The following SAMD12 variants were observed in gnomAD, a reference collection of about 807,000 sequenced individuals.
SAMD12 encodes sterile alpha motif domain containing 12.
In SAMD12, 9 loss-of-function variants were observed where a neutral mutation model predicts 15.0. The observed-to-expected ratio is 0.60, with a 90% CI of 0.36 to 1.05. The LOEUF is 1.05. SAMD12 is among the 50% of genes least tolerant of loss of function. The pLI is 0.01. For synonymous variants in SAMD12, 86 were observed against 90.1 expected, an observed-to-expected ratio of 0.96 and a Z score of 0.25; for missense variants, 230 against 234.2, an observed-to-expected ratio of 0.98 and a Z score of 0.12.
At chr8:118,549,030 G>C (rs1340812752) in intron 2 of SAMD12, among the ~76,000 whole-genome samples, 1 of 152,266 alleles carries the variant, frequency 6.6e-6, no homozygotes, top group Non-Finnish European at 1.5e-5. Flanking sequence ...CCAGGAAGCT[G>C]GAACTGGGTG....
the SAMD12 span, among the ~76,000 whole-genome samples, chr8:118,143,708 C>A: frequency 6.6e-6 from 1 of 152,106 alleles, no homozygotes; most frequent in African/African-American, 2.4e-5. Flanking sequence ...TAGGCACGGG[C>A]AAAGTGAGAG....
At chr8:118,380,623 A>G (rs778741468) in intron 3 of SAMD12, among the ~76,000 whole-genome samples, 31 of 151,990 alleles carry the variant, frequency 2.0e-4, no homozygotes, top group Admixed American at 3.9e-4. Context: ...ACCACCCACT[A>G]CTCTTCTCCG....
At chr8:118,360,828 T>A (rs967151693) in intron 4 of SAMD12, among the ~76,000 whole-genome samples, 1 of 152,194 alleles carries the variant, frequency 6.6e-6, no homozygotes, top group Non-Finnish European at 1.5e-5. Context: ...GAATTCAAGG[T>A]AATATTACCC....
At chr8:118,191,726 T>C (rs1479827911) in exon 5 of SAMD12, 3 of 123,330 alleles carry the variant, frequency 2.4e-5, no homozygotes, top group Non-Finnish European at 4.9e-5. Context: ...CTAAATGCAC[T>C]AAATTGTGGT....
the SAMD12 span, among the ~76,000 whole-genome samples, chr8:118,172,021 T>A: frequency 6.6e-6 from 1 of 151,898 alleles, no homozygotes; most frequent in African/African-American, 2.4e-5. Flanking sequence ...AACCAAACAC[T>A]GCATGTTCTC....
At position 118,548,597 on chromosome 8, in the gene SAMD12, G is replaced by A. The variant is rs940776145; in HGVS notation, c.192+32118C>T. ...CCAGTCTACAGCTCCCAGCGTGAGC[G>A]ACGCAGAAGACGGGTGATTTCTGCA... On this transcript the variant is annotated intron_variant, in intron 2 of 3. Transcript: ENST00000314727. Among the ~76,000 whole-genome samples the A allele has an allele frequency of 2.0e-5, 3 of 152,230 alleles. No individual in the cohort carries two copies. In the South Asian group the frequency reaches 6.2e-4, roughly 31 times the overall value.
At chr8:118,135,296 C>T in the SAMD12 span, among the ~76,000 whole-genome samples, 120 of 152,182 alleles carry the variant, frequency 7.9e-4, no homozygotes, top group African/African-American at 2.8e-3. Context: ...TTTCTCCTGC[C>T]TCAGCCTCCT....
intron 4 of SAMD12, among the ~76,000 whole-genome samples, chr8:118,262,282 T>C (rs918554400): frequency 2.0e-5 from 3 of 152,094 alleles, no homozygotes; most frequent in African/African-American, 7.2e-5. Flanking sequence ...TCACTTAGTT[T>C]TGAGATGACA....
At chr8:118,336,200 T>C (rs964239243) in intron 4 of SAMD12, among the ~76,000 whole-genome samples, 4 of 152,182 alleles carry the variant, frequency 2.6e-5, no homozygotes, top group African/African-American at 4.8e-5. Context: ...TCTAAAACAA[T>C]ACCAGGAGTT....
At chr8:118,340,021 G>A (rs1817271614) in intron 4 of SAMD12, among the ~76,000 whole-genome samples, 1 of 152,066 alleles carries the variant, frequency 6.6e-6, no homozygotes, top group Non-Finnish European at 1.5e-5. Flanking sequence ...TTGTACCCTC[G>A]GTGACTAACA....
intron 3 of SAMD12, among the ~76,000 whole-genome samples, chr8:118,412,432 A>G (rs1157598666): frequency 6.6e-6 from 1 of 152,178 alleles, no homozygotes; most frequent in East Asian, 1.9e-4. Context: ...TAACTTATAC[A>G]TAAAATAGAA....
chr8:118,449,033 A>G (rs1209974255), intron 2 of SAMD12, among the ~76,000 whole-genome samples: 2 of 151,086 alleles, frequency 1.3e-5, no homozygotes, highest in African/African-American at 4.9e-5. Context: ...TTGGGGAAGC[A>G]GTGGGGCAGC....
At chr8:118,137,804 A>G in the SAMD12 span, among the ~76,000 whole-genome samples, 1 of 152,196 alleles carries the variant, frequency 6.6e-6, no homozygotes, top group Non-Finnish European at 1.5e-5. Flanking sequence ...ATTTTTTAAG[A>G]AAGTTTACAA....
At chr8:118,186,815 C>A (rs372524958), downstream of SAMD12, among the ~76,000 whole-genome samples, 22 of 152,068 alleles carry the variant, frequency 1.4e-4, no homozygotes, top group African/African-American at 5.3e-4. Context: ...GAAGGTTCTT[C>A]CTGAGAGAGA....
chr8:118,284,301 C>T (rs1407934385), intron 4 of SAMD12: 6 of 456,182 alleles, frequency 1.3e-5, no homozygotes, highest in Non-Finnish European at 2.6e-5. Flanking sequence ...TGCAGCAGAA[C>T]TGGCTGGGAT....
intron 4 of SAMD12, among the ~76,000 whole-genome samples, chr8:118,266,134 A>G (rs1008828663): frequency 6.6e-6 from 1 of 152,148 alleles, no homozygotes; most frequent in African/African-American, 2.4e-5. Context: ...AGAGCTCCTT[A>G]TAAAGCCATC....
chr8:118,449,798 C>CAAAAAAA (rs35279962), intron 2 of SAMD12, among the ~76,000 whole-genome samples: 7 of 72,436 alleles, frequency 9.7e-5, no homozygotes, highest in African/African-American at 2.3e-4. Context: ...GAGACTGTCT[C>CAAAAAAA]AAAAAAAAAA....
intron 3 of SAMD12, among the ~76,000 whole-genome samples, chr8:118,431,264 A>C (rs1822397316): frequency 6.6e-6 from 1 of 152,290 alleles, no homozygotes; most frequent in African/African-American, 2.4e-5. Context: ...TGCTTTAACC[A>C]GTTAGCCTTT....
intron 4 of SAMD12, among the ~76,000 whole-genome samples, chr8:118,339,201 T>C (rs895812801): frequency 2.6e-5 from 4 of 152,182 alleles, no homozygotes; most frequent in African/African-American, 9.6e-5. Flanking sequence ...TGGTAGTGCA[T>C]GCCTGTAGTC....
Sources: allele counts gnomAD v4.1 joint callset (sites outside exome capture counted in the v4.1 genomes callset), GRCh38; gene constraint gnomAD v4.1.1; transcripts MANE v1.5; gene names NCBI Gene and HGNC (gene_info 2026-07-23, HGNC 2026-07-21).